Variants in FUT9 observed in about 807,000 individuals in gnomAD.
FUT9 encodes fucosyltransferase 9, also known as 4-galactosyl-N-acetylglucosaminide 3-alpha-L-fucosyltransferase 9.
A neutral mutation model predicts 29.7 loss-of-function variants in FUT9; 15 were observed. That is an observed-to-expected ratio of 0.51 (90% CI 0.34 to 0.78). The LOEUF (loss-of-function observed/expected upper bound fraction) is 0.78. Ranked by LOEUF, FUT9 falls within the 30% of genes least tolerant of loss-of-function variation. The pLI is 0.01. For synonymous variants in FUT9, 169 were observed against 153.7 expected (o/e 1.10, Z -0.74); for missense variants, 319 against 425.4 (o/e 0.75, Z 2.20).
chr6:96,052,200 C>T (rs1438400551), intron 1 of FUT9, among the ~76,000 whole-genome samples: 1 of 152,118 alleles, frequency 6.6e-6, no homozygotes, highest in South Asian at 2.1e-4. Flanking sequence ...CACTCACTAT[C>T]ATGACAAGAG....
intron 1 of FUT9, among the ~76,000 whole-genome samples, chr6:96,081,571 G>A (rs2127950934): frequency 6.6e-6 from 1 of 151,926 alleles, no homozygotes; most frequent in Non-Finnish European, 1.5e-5. Flanking sequence ...CTTCCAAGAT[G>A]ATGGTTGTGG....
At chr6:96,056,488 G>A (rs1386482335) in intron 1 of FUT9, among the ~76,000 whole-genome samples, 1 of 152,210 alleles carries the variant, frequency 6.6e-6, no homozygotes, top group Non-Finnish European at 1.5e-5. Flanking sequence ...CATGCAGGAA[G>A]TTACAAGACC....
At chr6:96,087,602 T>C (rs1018110767) in intron 1 of FUT9, among the ~76,000 whole-genome samples, 6 of 152,052 alleles carry the variant, frequency 3.9e-5, no homozygotes, top group Non-Finnish European at 7.4e-5. Context: ...CTTGACCTCA[T>C]GATCCGCCCA....
chr6:96,190,371 G>A (rs1278614816), intron 2 of FUT9, among the ~76,000 whole-genome samples: 1 of 152,020 alleles, frequency 6.6e-6, no homozygotes, highest in Non-Finnish European at 1.5e-5. Context: ...TGGTGAATCT[G>A]ATAATTATGT....
chr6:96,058,612 A>G (rs1426428038), intron 1 of FUT9, among the ~76,000 whole-genome samples: 1 of 152,202 alleles, frequency 6.6e-6, no homozygotes, highest in East Asian at 1.9e-4. Context: ...AAAAAATACA[A>G]ACGAATGTTT....
At chr6:96,154,977 G>A (rs1276494977) in intron 2 of FUT9, among the ~76,000 whole-genome samples, 1 of 152,278 alleles carries the variant, frequency 6.6e-6, no homozygotes, top group Non-Finnish European at 1.5e-5. Flanking sequence ...GTGCTGAGGA[G>A]GCAATGACAG....
chr6:96,062,396 A>C (rs1442468209), intron 1 of FUT9, among the ~76,000 whole-genome samples: 1 of 152,142 alleles, frequency 6.6e-6, no homozygotes, highest in Non-Finnish European at 1.5e-5. Flanking sequence ...ATATCAGTAA[A>C]ATCATGTTAT....
intron 2 of FUT9, among the ~76,000 whole-genome samples, chr6:96,174,962 A>G (rs905643320): frequency 6.6e-6 from 1 of 152,176 alleles, no homozygotes; most frequent in Non-Finnish European, 1.5e-5. Flanking sequence ...TCTATCCCAA[A>G]GGGGTGGCTG....
At chr6:96,165,018 G>C (rs1472301787) in intron 2 of FUT9, among the ~76,000 whole-genome samples, 1 of 152,108 alleles carries the variant, frequency 6.6e-6, no homozygotes, top group Admixed American at 6.5e-5. Flanking sequence ...AAATCTCATG[G>C]GGCAACTAGA....
At chr6:96,025,861 T>C (rs1483764097) in intron 1 of FUT9, among the ~76,000 whole-genome samples, 1 of 151,610 alleles carries the variant, frequency 6.6e-6, no homozygotes, top group Non-Finnish European at 1.5e-5. Flanking sequence ...TAGAAAACAA[T>C]AGACTCCTAG....
At chr6:96,064,927 G>C (rs1243166842) in intron 1 of FUT9, among the ~76,000 whole-genome samples, 1 of 152,120 alleles carries the variant, frequency 6.6e-6, no homozygotes, top group Non-Finnish European at 1.5e-5. Context: ...TTGTAGCATA[G>C]AAAAGTACAT....
intron 1 of FUT9, among the ~76,000 whole-genome samples, chr6:96,024,421 G>T (rs1250851269): frequency 6.6e-6 from 1 of 151,772 alleles, no homozygotes; most frequent in Non-Finnish European, 1.5e-5. Flanking sequence ...ATATTGCAGT[G>T]GCTCATGGCA....
At chr6:96,061,290 C>G (rs1447872554) in intron 1 of FUT9, among the ~76,000 whole-genome samples, 1 of 150,816 alleles carries the variant, frequency 6.6e-6, no homozygotes, top group African/African-American at 2.4e-5. Context: ...CTTTAAACCT[C>G]TCAAGATACT....
At chr6:96,056,209 A>G (rs921796466) in intron 1 of FUT9, among the ~76,000 whole-genome samples, 6 of 152,190 alleles carry the variant, frequency 3.9e-5, no homozygotes, top group African/African-American at 1.4e-4. Context: ...TATCTTGTCT[A>G]AGACTAAAAT....
intron 1 of FUT9, among the ~76,000 whole-genome samples, chr6:96,032,427 A>G (rs1225770297): frequency 6.6e-6 from 1 of 151,598 alleles, no homozygotes; most frequent in East Asian, 1.9e-4. Context: ...GTTAACTTTT[A>G]ATAAAGTAAA....
intron 1 of FUT9, among the ~76,000 whole-genome samples, chr6:96,048,789 C>T (rs964508364): frequency 6.6e-6 from 1 of 152,102 alleles, no homozygotes; most frequent in African/African-American, 2.4e-5. Flanking sequence ...AGGGGGGGAA[C>T]TGACCAAGTA....
chr6:96,043,029 A>T (rs1770491620), intron 1 of FUT9, among the ~76,000 whole-genome samples: 1 of 152,178 alleles, frequency 6.6e-6, no homozygotes, highest in Non-Finnish European at 1.5e-5. Flanking sequence ...AGTATTACAT[A>T]AATTTAGATT....
intron 2 of FUT9, among the ~76,000 whole-genome samples, chr6:96,182,328 G>A (rs1446781471): frequency 1.3e-5 from 2 of 151,988 alleles, no homozygotes; most frequent in African/African-American, 4.8e-5. Context: ...TTTGTCCTTT[G>A]TCAGATGTAT....
intron 2 of FUT9, among the ~76,000 whole-genome samples, chr6:96,132,393 G>C (rs1459284519): frequency 1.3e-5 from 2 of 151,998 alleles, no homozygotes; most frequent in African/African-American, 4.8e-5. Flanking sequence ...CCAGTAGAAC[G>C]CATCCTCTCT....
Sources: allele counts gnomAD v4.1 joint callset (sites outside exome capture counted in the v4.1 genomes callset), GRCh38; gene constraint gnomAD v4.1.1; transcripts MANE v1.5; gene names NCBI Gene and HGNC (gene_info 2026-07-23, HGNC 2026-07-21).